Variants in HCFC1R1 observed in about 807,000 individuals in gnomAD.
HCFC1R1 encodes HCF-1 beta-propeller-interacting protein.
Under a neutral mutation model 13.3 loss-of-function variants are expected in HCFC1R1, and 17 were observed. That is an observed-to-expected ratio of 1.28 (90% confidence interval 0.87 to 1.91). The LOEUF is 1.91. Ranked by LOEUF, HCFC1R1 falls within the 40% of genes most tolerant of loss-of-function variation. The probability of loss-of-function intolerance (pLI) is 0.00; values close to 1 mark genes in which losing one functional copy is unlikely to be tolerated. For missense variants in HCFC1R1, 218 were observed against 177.9 expected (o/e 1.23, Z -1.28); for synonymous variants, 87 against 71.1 (o/e 1.22, Z -1.12).
Position 3,022,706 on chromosome 16 carries a change from G to T in HCFC1R1, c.*157C>A. The T allele has an allele frequency of 1.8e-6, 1 of 551,714 alleles. No individual in the cohort carries two copies. Among genetic ancestry groups the T allele is most frequent in the Non-Finnish European group, 3.0e-6 (1 of 333,976 alleles). 34.2% of individuals were successfully genotyped at this position (551,714 alleles called of 1,614,324 possible). ...CCATGCTCCCACCCCTCCCATCCCA[G>T]AACTCCGTTGGGCTCAGTGTCCTCT... On this transcript the variant is annotated 3_prime_UTR_variant, in exon 4 of 4. Coordinates refer to ENST00000248089, the MANE Select transcript of HCFC1R1 (RefSeq NM_017885.4).
chr16:3,024,268 C>T (rs2072721293), upstream of HCFC1R1: 2 of 1,609,176 alleles, frequency 1.2e-6, no homozygotes, highest in Admixed American at 1.7e-5. Context: ...GCTCTAGGCA[C>T]GTAAGGCCTC....
chr16:3,023,626 C>G (rs1179079478), intron 1 of HCFC1R1, 96 bp from the exon 2 acceptor site: 1 of 1,379,912 alleles, frequency 7.2e-7, no homozygotes, highest in Non-Finnish European at 9.6e-7. Context: ...GAGCCCCAAG[C>G]CCATTCCTGT....
At chr16:3,023,963 T>C (rs1477087447), upstream of HCFC1R1, 3 of 1,518,116 alleles carry the variant, frequency 2.0e-6, no homozygotes, top group Admixed American at 6.1e-5. Flanking sequence ...GTCCTGCGGG[T>C]GGGATCTGGG....
chr16:3,023,291 T>C lies in HCFC1R1; in HGVS notation c.223A>G (p.Asn75Asp), dbSNP rs1033320054. 1.3e-6 allele frequency: 2 copies of C among 1,589,638 alleles called. No individual in the cohort carries two copies. Among genetic ancestry groups the C allele is most frequent in the South Asian group, 2.3e-5 (2 of 87,796 alleles). Residue 75 changes from asparagine to aspartate, a missense_variant, in exon 3 of 4, where the codon AAT becomes GAT. Coordinates refer to ENST00000248089, the MANE Select transcript of HCFC1R1 (RefSeq NM_017885.4). The part of the protein sequence containing the change: ...ATHFSQLSLH[N>D]DHPYCSPPMT... ...GGGGGGCTGCAGTAGGGGTGGTCAT[T>C]GTGCAGGCTGAGTTGAGAGAAGTGG...
At position 3,023,382 on chromosome 16, in the gene HCFC1R1, G is replaced by C. The variant is rs200334755; in HGVS notation, c.153-21C>G. 222 of 1,612,678 alleles carry C rather than the reference G, an allele frequency of 1.4e-4. No homozygotes were observed. The Middle Eastern group carries it at 3.0e-3, about 22-fold the overall frequency. On this transcript the variant is annotated intron_variant, in intron 2 of 3. Transcript: ENST00000248089. ...GCTCCCTGGGGAGAGATGGCAGAGA[G>C]GCAGGCTGGGATACTGACACAGGAG...
upstream of HCFC1R1, chr16:3,024,061 G>C: frequency 1.1e-6 from 1 of 875,446 alleles, no homozygotes; most frequent in Non-Finnish European, 1.7e-6. Flanking sequence ...GCGCGGGCGC[G>C]GAAGACGGGC....
At chr16:3,023,059 AC>A (rs1009050950) in intron 3 of HCFC1R1, 61 bp from the exon 4 acceptor site, 6 of 1,567,574 alleles carry the variant, frequency 3.8e-6, no homozygotes, top group Non-Finnish European at 4.3e-6. Context: ...AGCACCTCCC[AC>A]CAGGTCCAGG....
Position 3,023,023 on chromosome 16 carries a change from G to A in HCFC1R1, c.282-25C>T, listed in dbSNP as rs772885236. ...CCTAGAAGAGGAAATGACTGTCAGG[G>A]CATGGAGCTGAGGCTGGCCTAGCTG... On this transcript the variant is annotated intron_variant, in intron 3 of 3. Transcript: ENST00000248089. 5.0e-6 allele frequency: 8 copies of A among 1,591,568 alleles called. No homozygotes were observed. The East Asian group carries it at 1.8e-4, about 37-fold the overall frequency.
chr16:3,023,802 C>A, intron 1 of HCFC1R1, 45 bp downstream of exon 1: 4 of 1,420,942 alleles, frequency 2.8e-6, no homozygotes, highest in Non-Finnish European at 3.8e-6. Context: ...CCAGCCAAAG[C>A]TCCTGCGGCC....
At chr16:3,023,727 G>T in intron 1 of HCFC1R1, 120 bp downstream of exon 1, 2 of 1,045,442 alleles carry the variant, frequency 1.9e-6, no homozygotes, top group Non-Finnish European at 2.8e-6. Context: ...TCCCATCTCA[G>T]CTCACGCCTA....
upstream of HCFC1R1, chr16:3,023,981 GGA>G (rs1433712587): frequency 6.2e-6 from 9 of 1,443,334 alleles, no homozygotes; most frequent in Non-Finnish European, 8.5e-6. Flanking sequence ...GGGCGACAGG[GGA>G]GGAGTCTCTG....
upstream of HCFC1R1, chr16:3,024,277 T>TA: frequency 6.2e-7 from 1 of 1,613,530 alleles, no homozygotes; most frequent in Non-Finnish European, 8.5e-7. Flanking sequence ...ACGTAAGGCC[T>TA]CGTGAGGTTG....
upstream of HCFC1R1, chr16:3,024,233 C>T (rs1053605517): frequency 1.3e-6 from 2 of 1,518,990 alleles, no homozygotes; most frequent in South Asian, 1.1e-5. Flanking sequence ...GCGCCGAAGG[C>T]GGTAGGGCGC....
upstream of HCFC1R1, chr16:3,024,058 C>A (rs553787974): frequency 4.5e-6 from 4 of 884,852 alleles, no homozygotes; most frequent in South Asian, 5.2e-5. Context: ...TCTGCGCGGG[C>A]GCGGAAGACG....
Position 3,022,632 on chromosome 16 carries a change from G to T in HCFC1R1, c.*231C>A. On this transcript the variant is annotated 3_prime_UTR_variant, in exon 4 of 4. Transcript: ENST00000248089. ...AGGTTCCAGACTGAAGCCTTCCTTT[G>T]CTCAGCAATCTTTATTCAGTTCTTC... 1 of 385,342 alleles carries T rather than the reference G, an allele frequency of 2.6e-6. No individual in the cohort carries two copies. Among genetic ancestry groups the T allele is most frequent in the Non-Finnish European group, 4.7e-6 (1 of 214,116 alleles). The allele number at this position is 385,342 out of a possible 1,614,324, so 23.9% of individuals were successfully genotyped here. A position where few individuals can be genotyped will look rare whatever the true frequency, so the allele number is the denominator to read the frequency against.
In HCFC1R1 at chr16:3,022,864, C is replaced by G. The variant is rs746875143; in HGVS notation, c.416G>C (p.Ter139SerextTer34). The change falls in exon 4 of 4, where the codon TGA becomes TCA. Residue 139 changes from the stop codon to serine (S), a stop_lost. Transcript: ENST00000248089. ...ATPAGDIMEL[*>S] ...GGGAGGGGCACTGTCCACCAGCACT[C>G]AGAGCTCCATTATGTCCCCAGCTGG... is the stretch of plus-strand genomic sequence containing the variant. 2.9e-5 allele frequency: 45 copies of G among 1,527,610 alleles called. No individual in the cohort carries two copies. In the South Asian group the frequency reaches 5.8e-4, roughly 20 times the overall value. 94.6% of individuals were successfully genotyped at this position (1,527,610 alleles called of 1,614,324 possible).
chr16:3,022,902 G>A lies in HCFC1R1; in HGVS notation c.378C>T (p.Pro126=), dbSNP rs1224406877. 1.9e-6 allele frequency: 3 copies of A among 1,557,518 alleles called. No homozygotes were observed. The South Asian group carries it at 3.7e-5, about 19-fold the overall frequency. Reference sequence around the variant, plus strand: ...TGTCCCCAGCTGGGGTTGCAGGGTAGGGGGGACTGGGGGTGTCCCCCAGCC... The same window carrying A: ...TGTCCCCAGCTGGGGTTGCAGGGTAAGGGGGACTGGGGGTGTCCCCCAGCC... ...LLRLGDTPSP[P]YPATPAGDIM... Residue 126 remains proline (P), a synonymous_variant, in exon 4 of 4, where the codon CCC becomes CCT. Transcript: ENST00000248089.
upstream of HCFC1R1, chr16:3,023,982 G>T (rs1273828684): frequency 6.9e-7 from 1 of 1,440,276 alleles, no homozygotes; most frequent in Non-Finnish European, 9.4e-7. Flanking sequence ...GGCGACAGGG[G>T]AGGAGTCTCT....
chr16:3,023,002 G>C lies in HCFC1R1; in HGVS notation c.282-4C>G. On this transcript the variant is annotated splice_region_variant and splice_polypyrimidine_tract_variant and intron_variant, in intron 3 of 3. Coordinates refer to ENST00000248089, the MANE Select transcript of HCFC1R1 (RefSeq NM_017885.4). ...AAGCAGCTCAGAGCAAGGGCTCCTA[G>C]AAGAGGAAATGACTGTCAGGGCATG... The C allele has an allele frequency of 1.3e-6, 2 of 1,597,294 alleles. No individual in the cohort carries two copies. Among genetic ancestry groups the C allele is most frequent in the Middle Eastern group, 3.3e-4 (2 of 6,016 alleles).
Sources: allele counts gnomAD v4.1 joint callset, GRCh38; gene constraint gnomAD v4.1.1; transcripts MANE v1.5; gene names NCBI Gene and HGNC (gene_info 2026-07-23, HGNC 2026-07-21).